The following LRRC28 variants were observed in gnomAD, a reference collection of about 807,000 sequenced individuals.
LRRC28 encodes leucine-rich repeat-containing protein 28.
Under a neutral mutation model 45.7 loss-of-function variants are expected in LRRC28, and 39 were observed. The observed-to-expected ratio is 0.85, with a 90% CI of 0.66 to 1.12. LRRC28 has a LOEUF of 1.12. Ranked by LOEUF, LRRC28 falls within the 50% of genes most tolerant of loss-of-function variation. LRRC28 has a pLI of 0.00. For missense variants in LRRC28, 435 were observed against 438.5 expected (o/e 0.99, Z 0.07); for synonymous variants, 206 against 178.8 (o/e 1.15, Z -1.22).
chr15:99,364,189 T>C (rs1597438708), intron 9 of LRRC28, among the ~76,000 whole-genome samples: 1 of 152,218 alleles, frequency 6.6e-6, no homozygotes. Context: ...CTGGCCCTTC[T>C]GTTGTGAGAA....
At chr15:99,256,295 C>T in intron 2 of LRRC28, 170 bp downstream of exon 2, 1 of 508,528 alleles carries the variant, frequency 2.0e-6, no homozygotes, top group Non-Finnish European at 3.2e-6. Flanking sequence ...AATTTGTTAT[C>T]CAAGTTCGTG....
intron 5 of LRRC28, among the ~76,000 whole-genome samples, chr15:99,317,241 T>G (rs915175585): frequency 6.6e-6 from 1 of 152,196 alleles, no homozygotes; most frequent in African/African-American, 2.4e-5. Context: ...TGTCTATGCC[T>G]TTCTGATGGA....
At chr15:99,263,259 C>T (rs993115596) in intron 2 of LRRC28, among the ~76,000 whole-genome samples, 1 of 143,772 alleles carries the variant, frequency 7.0e-6, no homozygotes, top group Non-Finnish European at 1.5e-5. Context: ...GTTGAAGCTG[C>T]AGTGAGCCAA....
chr15:99,304,110 G>GT (rs1217792081), intron 5 of LRRC28, among the ~76,000 whole-genome samples: 1 of 152,110 alleles, frequency 6.6e-6, no homozygotes, highest in African/African-American at 2.4e-5. Context: ...AGTAAATAAA[G>GT]TTTTTTTGGA....
intron 6 of LRRC28, among the ~76,000 whole-genome samples, chr15:99,345,603 G>T (rs558207162): frequency 9.9e-5 from 15 of 152,206 alleles, no homozygotes; most frequent in Admixed American, 3.3e-4. Context: ...TTAGTGCCTT[G>T]TTGAGGCCTT....
chr15:99,295,265 C>G (rs576047143), intron 5 of LRRC28, among the ~76,000 whole-genome samples: 1 of 152,152 alleles, frequency 6.6e-6, no homozygotes, highest in African/African-American at 2.4e-5. Flanking sequence ...ACCACTTAAA[C>G]ATTTACGTAT....
intron 6 of LRRC28, among the ~76,000 whole-genome samples, chr15:99,346,705 G>A (rs182886883): frequency 2.0e-5 from 3 of 151,980 alleles, no homozygotes; most frequent in Admixed American, 2.0e-4. Flanking sequence ...TTATACTAAA[G>A]CCAGAATTCA....
chr15:99,353,374 G>C (rs563981712), intron 7 of LRRC28, among the ~76,000 whole-genome samples: 2 of 152,192 alleles, frequency 1.3e-5, no homozygotes, highest in Non-Finnish European at 2.9e-5. Context: ...CATTCCCCCC[G>C]TTGGTATAGC....
chr15:99,342,164 C>G (rs1956535949), intron 6 of LRRC28, among the ~76,000 whole-genome samples: 1 of 152,164 alleles, frequency 6.6e-6, no homozygotes, highest in Admixed American at 6.5e-5. Flanking sequence ...TTAAAGCAAG[C>G]AAAGAGAAAC....
At chr15:99,379,670 G>A (rs140687498) in intron 9 of LRRC28, among the ~76,000 whole-genome samples, 2,942 of 152,202 alleles carry the variant, frequency 0.019, 41 homozygotes, top group Middle Eastern at 0.051. Context: ...TTTCTCTTGT[G>A]GGCATTTAGT....
rs941657226 is a variant in LRRC28 at position 99,387,436 on chromosome 15, C to G, written c.*1334C>G. 6.6e-6 allele frequency: 1 copy of G among 152,190 alleles called. No individual in the cohort carries two copies. The highest frequency in any genetic ancestry group is 1.5e-5 in the Non-Finnish European group (1 of 68,040). The allele number at this position is 152,190 out of a possible 1,614,324, so 9.4% of individuals were successfully genotyped here. A position where few individuals can be genotyped will look rare whatever the true frequency, so the allele number is the denominator to read the frequency against. On this transcript the variant is annotated 3_prime_UTR_variant, in exon 10 of 10. Transcript: ENST00000301981. ...TTCGTCACCTGGTGCACCACACTGT[C>G]TTCATGTTGGCCCTCGTTTCTTGTA...
At chr15:99,283,154 A>G (rs912226951) in intron 3 of LRRC28, among the ~76,000 whole-genome samples, 2 of 151,966 alleles carry the variant, frequency 1.3e-5, no homozygotes, top group Non-Finnish European at 2.9e-5. Flanking sequence ...CGGCCTCCCA[A>G]AGTGCTGGGA....
Position 99,361,377 on chromosome 15 carries a change from C to A in LRRC28, c.737C>A (p.Ser246Tyr). ...CAAGTTTCCGAGGTGAAGCTGCTTT[C>A]CTTTTCATCAGGGCAGCGAACCGTT... ...PIQVSEVKLL[S>Y]FSSGQRTVFL... The change falls in exon 8 of 10, where the codon TCC (serine) becomes TAC (tyrosine). Residue 246 changes from serine to tyrosine, a missense_variant. Ser to Tyr is a moderately radical substitution (Grantham distance 144). Transcript: ENST00000301981. The A allele has an allele frequency of 1.9e-6, 3 of 1,613,846 alleles. No individual in the cohort carries two copies. Among genetic ancestry groups the A allele is most frequent in the Non-Finnish European group, 2.5e-6 (3 of 1,179,916 alleles).
At chr15:99,314,736 G>A (rs1955535649) in intron 5 of LRRC28, among the ~76,000 whole-genome samples, 1 of 151,990 alleles carries the variant, frequency 6.6e-6, no homozygotes. Flanking sequence ...TGGGTTTTAA[G>A]TTCCTCTATA....
chr15:99,385,598 T>A (rs1300860878), intron 9 of LRRC28, among the ~76,000 whole-genome samples: 1 of 152,240 alleles, frequency 6.6e-6, no homozygotes, highest in Non-Finnish European at 1.5e-5. Flanking sequence ...TCCTTAAAAT[T>A]ATGTTGTTTA....
chr15:99,379,370 T>C (rs1957746488), intron 9 of LRRC28, among the ~76,000 whole-genome samples: 1 of 152,240 alleles, frequency 6.6e-6, no homozygotes, highest in South Asian at 2.1e-4. Flanking sequence ...TGTATTTCTG[T>C]GGGATCGCTG....
chr15:99,288,328 G>A (rs1331790548), intron 5 of LRRC28, among the ~76,000 whole-genome samples: 1 of 130,138 alleles, frequency 7.7e-6, no homozygotes, highest in South Asian at 2.4e-4. Context: ...TGCATACAAT[G>A]TTTTCTCTCT....
intron 5 of LRRC28, among the ~76,000 whole-genome samples, chr15:99,290,940 C>G (rs1287788235): frequency 6.6e-6 from 1 of 152,174 alleles, no homozygotes; most frequent in African/African-American, 2.4e-5. Context: ...TGCACTCCAG[C>G]CTGGACAGCG....
At chr15:99,367,213 T>C (rs932340866) in intron 9 of LRRC28, among the ~76,000 whole-genome samples, 12 of 152,252 alleles carry the variant, frequency 7.9e-5, no homozygotes, top group Non-Finnish European at 1.8e-4. Context: ...CTTCTCATGT[T>C]CAGTTAATTT....
Sources: gnomAD v4.1 joint callset for allele counts (sites outside exome capture counted in the v4.1 genomes callset) on GRCh38, gnomAD v4.1.1 for gene constraint, MANE v1.5 for transcripts, NCBI Gene and HGNC (gene_info 2026-07-23, HGNC 2026-07-21) for gene names.